Variants in MAN1A1 observed in about 807,000 individuals in gnomAD.
The protein encoded by MAN1A1 is mannosyl-oligosaccharide 1,2-alpha-mannosidase IA.
In MAN1A1, 29 loss-of-function variants were observed where a neutral mutation model predicts 70.8. The observed-to-expected ratio is 0.41, with a 90% CI of 0.31 to 0.56. MAN1A1 has a LOEUF of 0.56. Among genes scored for constraint, MAN1A1 ranks in the 20% least tolerant of loss-of-function variants. MAN1A1 has a pLI of 0.29. For synonymous variants in MAN1A1, 349 were observed against 330.1 expected (o/e 1.06, Z -0.62); for missense variants, 747 against 841.3 (o/e 0.89, Z 1.39).
intron 6 of MAN1A1, among the ~76,000 whole-genome samples, chr6:119,207,018 A>T (rs1773878757): frequency 6.6e-6 from 1 of 152,236 alleles, no homozygotes; most frequent in Non-Finnish European, 1.5e-5. Flanking sequence ...TGAGAAAGTT[A>T]AGCAATATAT....
At chr6:119,183,741 T>C (rs958942671) in intron 11 of MAN1A1, among the ~76,000 whole-genome samples, 1 of 152,084 alleles carries the variant, frequency 6.6e-6, no homozygotes, top group Admixed American at 6.5e-5. Flanking sequence ...ACCCTCTCAT[T>C]CTTGTTCCCC....
intron 5 of MAN1A1, among the ~76,000 whole-genome samples, chr6:119,284,012 C>T (rs1286874174): frequency 6.6e-6 from 1 of 152,082 alleles, no homozygotes; most frequent in African/African-American, 2.4e-5. Context: ...ATAACAAAAC[C>T]GACCAACCAG....
intron 9 of MAN1A1, among the ~76,000 whole-genome samples, chr6:119,191,157 T>C (rs1438070855): frequency 3.3e-5 from 5 of 152,208 alleles, no homozygotes; most frequent in Non-Finnish European, 5.9e-5. Context: ...CTAATGTTAT[T>C]GATGGTTTAG....
chr6:119,303,003 G>A (rs955256990), intron 3 of MAN1A1, among the ~76,000 whole-genome samples: 1 of 152,004 alleles, frequency 6.6e-6, no homozygotes, highest in South Asian at 2.1e-4. Context: ...TTACACGTGT[G>A]CATCTTTTAG....
intron 6 of MAN1A1, among the ~76,000 whole-genome samples, chr6:119,229,530 T>C (rs1366054419): frequency 6.6e-6 from 1 of 152,232 alleles, no homozygotes; most frequent in African/African-American, 2.4e-5. Flanking sequence ...AATTGTTATG[T>C]TAGCTTAAAT....
chr6:119,347,449 T>C (rs1319607917), intron 2 of MAN1A1, among the ~76,000 whole-genome samples: 20 of 152,316 alleles, frequency 1.3e-4, no homozygotes. Context: ...GAACCAAGAT[T>C]TGGAATGACA....
chr6:119,260,519 T>C (rs907383191), intron 5 of MAN1A1, among the ~76,000 whole-genome samples: 4 of 152,200 alleles, frequency 2.6e-5, no homozygotes, highest in Non-Finnish European at 4.4e-5. Flanking sequence ...TTCATTCAAT[T>C]CATTCACTCA....
chr6:119,234,913 G>T (rs1048821247), intron 6 of MAN1A1, among the ~76,000 whole-genome samples: 1 of 152,036 alleles, frequency 6.6e-6, no homozygotes. Flanking sequence ...TCAAGTTTTG[G>T]TAATTCTTCC....
At chr6:119,315,392 G>A (rs1456843944) in intron 2 of MAN1A1, among the ~76,000 whole-genome samples, 1 of 152,206 alleles carries the variant, frequency 6.6e-6, no homozygotes, top group Non-Finnish European at 1.5e-5. Flanking sequence ...TTTAAAAAAT[G>A]AGAATTCTAG....
intron 6 of MAN1A1, among the ~76,000 whole-genome samples, chr6:119,214,714 C>T (rs930976935): frequency 3.3e-5 from 5 of 152,004 alleles, no homozygotes; most frequent in Admixed American, 3.3e-4. Flanking sequence ...CCATGTTACC[C>T]AGGCTGGTCT....
At chr6:119,324,549 G>T (rs1490496938) in intron 2 of MAN1A1, among the ~76,000 whole-genome samples, 2 of 152,166 alleles carry the variant, frequency 1.3e-5, no homozygotes, top group Non-Finnish European at 2.9e-5. Flanking sequence ...TAGAAAATGA[G>T]AACTCCCATT....
rs1055085503 is a variant in MAN1A1, at chr6:119,177,581, C to T, written c.*2238G>A. 6.6e-6 allele frequency: 1 copy of T among 151,984 alleles called. No homozygotes were observed. Among genetic ancestry groups the T allele is most frequent in the Non-Finnish European group, 1.5e-5 (1 of 67,902 alleles). 9.4% of individuals were successfully genotyped at this position (151,984 alleles called of 1,614,324 possible). On this transcript the variant is annotated 3_prime_UTR_variant, in exon 13 of 13. Coordinates refer to ENST00000368468, the MANE Select transcript of MAN1A1 (RefSeq NM_005907.4). ...TTGAAAATAAGTTTCAACAATAAGA[C>T]TTCAGTTGTTAAAATTAACCCAAAA...
chr6:119,205,293 A>G (rs1773829828), intron 6 of MAN1A1, among the ~76,000 whole-genome samples: 1 of 152,220 alleles, frequency 6.6e-6, no homozygotes, highest in Non-Finnish European at 1.5e-5. Context: ...TTGGACATTC[A>G]CATTATATAC....
At chr6:119,315,669 T>C (rs1475101893) in intron 2 of MAN1A1, among the ~76,000 whole-genome samples, 1 of 152,230 alleles carries the variant, frequency 6.6e-6, no homozygotes, top group East Asian at 1.9e-4. Flanking sequence ...TAAGGGATTA[T>C]AATTTAGCAA....
chr6:119,199,576 A>G (rs574725712), intron 8 of MAN1A1, among the ~76,000 whole-genome samples: 4 of 152,048 alleles, frequency 2.6e-5, no homozygotes, highest in Admixed American at 6.6e-5. Flanking sequence ...AAGCACATTC[A>G]TAAGTGAAAC....
rs1226686491 is a variant in MAN1A1, at chr6:119,248,249, AAG to A, written c.992+9_992+10del. 6 of 1,559,014 alleles carry A rather than the reference AAG, an allele frequency of 3.8e-6. No homozygotes were observed. Among genetic ancestry groups the A allele is most frequent in the South Asian group, 2.2e-5 (2 of 89,182 alleles). On this transcript the variant is annotated intron_variant, in intron 6 of 12. Transcript: ENST00000368468. ...ACCTTAAAACATGTTGTTGAAAATG[AAG>A]AGTTTTACCTTTTCATATTCAGCAA...
At position 119,188,513 on chromosome 6, in the gene MAN1A1, T is replaced by C. The variant is rs777296753; in HGVS notation, c.1611A>G (p.Gln537=). ...DGGVEAIATR[Q]NEKYYILRPE... ...GCCGTAAGATGTAGTATTTTTCATTTTGTCTTGTAGCGATGGCTTCAACAC... is the reference window on the plus strand; with the variant it reads ...GCCGTAAGATGTAGTATTTTTCATTCTGTCTTGTAGCGATGGCTTCAACAC... The change falls in exon 11 of 13, where the codon CAA becomes CAG. Residue 537 remains glutamine (Q), a synonymous_variant. Coordinates refer to ENST00000368468, the MANE Select transcript of MAN1A1 (RefSeq NM_005907.4). 1 of 1,614,130 alleles carries C rather than the reference T, an allele frequency of 6.2e-7. No individual in the cohort carries two copies. The highest frequency in any genetic ancestry group is 8.5e-7 in the Non-Finnish European group (1 of 1,179,956).
chr6:119,245,563 G>C (rs1042070480), intron 6 of MAN1A1, among the ~76,000 whole-genome samples: 1 of 152,130 alleles, frequency 6.6e-6, no homozygotes, highest in African/African-American at 2.4e-5. Context: ...TTCAAGGAGT[G>C]TACTTGATTA....
At chr6:119,271,163 G>T (rs1775913625) in intron 5 of MAN1A1, among the ~76,000 whole-genome samples, 2 of 152,042 alleles carry the variant, frequency 1.3e-5, no homozygotes, top group Non-Finnish European at 2.9e-5. Flanking sequence ...TACAAAAATG[G>T]GTTAAGAAGT....
Sources: gnomAD v4.1 joint callset for allele counts (sites outside exome capture counted in the v4.1 genomes callset) on GRCh38, gnomAD v4.1.1 for gene constraint, MANE v1.5 for transcripts, NCBI Gene and HGNC (gene_info 2026-07-23, HGNC 2026-07-21) for gene names.